The following NUP214 variants were observed in gnomAD, a reference collection of about 807,000 sequenced individuals.
The protein encoded by NUP214 is nucleoporin 214, also known as nuclear pore complex protein Nup214.
A neutral mutation model predicts 196.2 loss-of-function variants in NUP214; 79 were observed. The observed-to-expected ratio is 0.40, with a 90% CI of 0.34 to 0.49. The LOEUF is 0.49. Ranked by LOEUF, NUP214 falls within the 20% of genes least tolerant of loss-of-function variation. The probability of loss-of-function intolerance (pLI) is 0.58; values close to 1 mark genes in which losing one functional copy is unlikely to be tolerated. For missense variants in NUP214, 2,468 were observed against 2,539.0 expected, an observed-to-expected ratio of 0.97 and a Z score of 0.60; for synonymous variants, 1,020 against 990.5, an observed-to-expected ratio of 1.03 and a Z score of -0.56.
chr9:131,151,821 G>T lies in NUP214; in HGVS notation c.2363G>T (p.Arg788Ile), dbSNP rs1389703342. The change falls in exon 17 of 36, where the codon AGA (arginine) becomes ATA (isoleucine). Residue 788 changes from arginine (R) to isoleucine (I), a missense_variant. Around this residue, in one of 5 missense-constraint regions of NUP214, gnomAD observed 1,801 missense variants for 1,779.4 expected, o/e 1.01. Coordinates refer to ENST00000359428, the MANE Select transcript of NUP214 (RefSeq NM_005085.4). The part of the protein sequence containing the change: ...GVEEAREQNE[R>I]NRDSGYLHLL... The stretch of plus-strand genomic sequence containing the variant: ...GAGGAAGCCAGAGAACAAAATGAAA[G>T]AAATCGTGACTCTGGTTATCTGCAT... 1 of 1,613,528 alleles carries T rather than the reference G, an allele frequency of 6.2e-7. No homozygotes were observed. Among genetic ancestry groups the T allele is most frequent in the Non-Finnish European group, 8.5e-7 (1 of 1,179,906 alleles).
At position 131,144,371 on chromosome 9, in the gene NUP214, A is replaced by AC; in HGVS notation, c.1388dup (p.Ala464CysfsTer64). ...CCCCTGCCTCTCTGCCACCTTCATC[A>AC]CCTGCTGCTCCCATTGCCACTTTTT... On this transcript the variant is annotated frameshift_variant, in exon 12 of 36. Transcript: ENST00000359428. LOFTEE classifies it high-confidence loss of function. 6.2e-7 allele frequency: 1 copy of AC among 1,613,732 alleles called. No individual in the cohort carries two copies. The highest frequency in any genetic ancestry group is 8.5e-7 in the Non-Finnish European group (1 of 1,179,940).
At position 131,129,295 on chromosome 9, in the gene NUP214, G is replaced by T. The variant is rs1303418297; in HGVS notation, c.410G>T (p.Arg137Leu). 1.9e-6 allele frequency: 3 copies of T among 1,613,872 alleles called. No homozygotes were observed. Among genetic ancestry groups the T allele is most frequent in the African/African-American group, 2.7e-5 (2 of 74,892 alleles). The change falls in exon 4 of 36, where the codon CGC (arginine) becomes CTC (leucine). Residue 137 changes from arginine to leucine, a missense_variant. By Grantham distance (102) the Arg-to-Leu change is moderately radical. Transcript: ENST00000359428. ...TFSNEAKQQK[R>L]PFAYHKLLKD... ...TTTTAAAAGGCTAAACAGCAAAAAC[G>T]CCCATTTGCCTATCATAAGCTTTTG...
intron 17 of NUP214, among the ~76,000 whole-genome samples, chr9:131,153,732 C>T (rs1588135336): frequency 6.6e-6 from 1 of 152,194 alleles, no homozygotes; most frequent in African/African-American, 2.4e-5. Context: ...ACTGAAACTG[C>T]CCAGGTTTTA....
Position 131,197,228 on chromosome 9 carries a change from C to G in NUP214, c.3734C>G (p.Ser1245Cys), listed in dbSNP as rs752810100. The G allele has an allele frequency of 4.3e-6, 7 of 1,613,996 alleles. No individual in the cohort carries two copies. In the East Asian group the frequency reaches 6.7e-5, roughly 15 times the overall value. The change falls in exon 29 of 36, where the codon TCC becomes TGC. Residue 1245 changes from serine (S) to cysteine (C), a missense_variant. Transcript: ENST00000359428. ...TTTTTCTTGCTAGGGGCAACACCCTCCACTAAAGAGTCAAGCCAGCCGGAC... is the reference window on the plus strand; with the variant it reads ...TTTTTCTTGCTAGGGGCAACACCCTGCACTAAAGAGTCAAGCCAGCCGGAC... ...NFTAAQGATP[S>C]TKESSQPDAF... is the part of the protein sequence containing the mutation.
chr9:131,194,630 C>T (rs1002510917), intron 27 of NUP214, among the ~76,000 whole-genome samples: 10 of 152,114 alleles, frequency 6.6e-5, no homozygotes, highest in Non-Finnish European at 1.3e-4. Context: ...AGAAAACGTA[C>T]AAAAGGAGAG....
At chr9:131,208,420 G>A (rs944874136) in intron 30 of NUP214, among the ~76,000 whole-genome samples, 6 of 152,202 alleles carry the variant, frequency 3.9e-5, no homozygotes, top group African/African-American at 9.7e-5. Flanking sequence ...GTTCTTGGCC[G>A]GGTGCAGTGG....
intron 24 of NUP214, among the ~76,000 whole-genome samples, chr9:131,179,719 T>C (rs1055119466): frequency 6.6e-6 from 1 of 152,210 alleles, no homozygotes; most frequent in Admixed American, 6.5e-5. Context: ...GTTCTGTTTA[T>C]CAACACTGCT....
intron 26 of NUP214, chr9:131,190,472 A>T: frequency 2.9e-6 from 2 of 693,888 alleles, no homozygotes; most frequent in South Asian, 3.1e-5. Context: ...TTCTGTTTTC[A>T]CTTGCCAGGT....
At chr9:131,164,178 T>C in intron 21 of NUP214, 34 bp downstream of exon 21, 1 of 1,598,896 alleles carries the variant, frequency 6.3e-7, no homozygotes, top group Non-Finnish European at 8.6e-7. Context: ...CTGTACATAG[T>C]GATAGGGTGT....
chr9:131,212,730 A>G (rs1184476278), intron 30 of NUP214, among the ~76,000 whole-genome samples: 1 of 152,134 alleles, frequency 6.6e-6, no homozygotes, highest in African/African-American at 2.4e-5. Context: ...TCCTTACACT[A>G]TATTAAGGCA....
chr9:131,221,509 A>G lies in NUP214; in HGVS notation c.5750-1269A>G, dbSNP rs1834554660. 2.6e-5 allele frequency among the ~76,000 whole-genome samples: 4 copies of G among 152,176 alleles called. No individual in the cohort carries two copies. The South Asian group carries it at 8.3e-4, about 31-fold the overall frequency. On this transcript the variant is annotated intron_variant, in intron 31 of 35. Transcript: ENST00000359428. ...CCTATTAGAGTTGGTTGGTAGCAGC[A>G]TGAGTTGAGAGACCTGGGGAGGTGA...
At chr9:131,183,448 C>T (rs1442915019) in intron 24 of NUP214, among the ~76,000 whole-genome samples, 1 of 152,170 alleles carries the variant, frequency 6.6e-6, no homozygotes, top group Non-Finnish European at 1.5e-5. Context: ...ATATAGTTAC[C>T]ATTTCCAGGG....
chr9:131,183,734 C>T (rs1479780711), intron 24 of NUP214, among the ~76,000 whole-genome samples: 1 of 151,998 alleles, frequency 6.6e-6, no homozygotes, highest in African/African-American at 2.4e-5. Context: ...GAACTTTAAT[C>T]CTTTTGTTTT....
intron 30 of NUP214, among the ~76,000 whole-genome samples, chr9:131,206,148 C>CTT (rs71265048): frequency 6.5e-5 from 5 of 76,388 alleles, no homozygotes; most frequent in South Asian, 1.1e-3. Context: ...TTTCTTTTTT[C>CTT]TTTTTTTTTT....
At chr9:131,190,369 T>C (rs2131028942) in intron 26 of NUP214, 1 of 659,536 alleles carries the variant, frequency 1.5e-6, no homozygotes, top group South Asian at 1.7e-5. Context: ...GCTTTATGCA[T>C]GTCTGGGCAA....
Position 131,228,422 on chromosome 9 carries a change from A to G in NUP214, c.6074+91A>G, listed in dbSNP as rs552731735. The G allele has an allele frequency of 1.2e-4, 162 of 1,318,612 alleles. No individual in the cohort carries two copies. The African/African-American group carries it at 2.3e-3, about 19-fold the overall frequency. The allele number at this position is 1,318,612 out of a possible 1,614,324, so 81.7% of individuals were successfully genotyped here. A position where few individuals can be genotyped will look rare whatever the true frequency, so the allele number is the denominator to read the frequency against. On this transcript the variant is annotated intron_variant, in intron 33 of 35. Transcript: ENST00000359428. Reference sequence around the variant, plus strand: ...TCTTGCTCTGAAAAGAAATTTGACCATGAGGTGAAGGCCCCTCCCTTGAAA... The same window carrying G: ...TCTTGCTCTGAAAAGAAATTTGACCGTGAGGTGAAGGCCCCTCCCTTGAAA...
At chr9:131,151,558 TAA>T (rs1042752306) in intron 16 of NUP214, among the ~76,000 whole-genome samples, 176 bp from the exon 17 acceptor site, 6 of 152,176 alleles carry the variant, frequency 3.9e-5, no homozygotes, top group African/African-American at 1.4e-4. Context: ...AAAATAAATA[TAA>T]AAAAAGAACA....
rs1041546674 is a variant in NUP214, at chr9:131,175,329, C to G, written c.3158-131C>G. 8 of 1,044,678 alleles carry G rather than the reference C, an allele frequency of 7.7e-6. No individual in the cohort carries two copies. The African/African-American group carries it at 1.3e-4, about 17-fold the overall frequency. 64.7% of individuals were successfully genotyped at this position (1,044,678 alleles called of 1,614,324 possible). On this transcript the variant is annotated intron_variant, in intron 22 of 35. Transcript: ENST00000359428. The stretch of plus-strand genomic sequence containing the variant: ...ATATAGATGCCAGCCTGTTAGTTTA[C>G]TGGTACTTTTCTATGTTAACGCTAA...
intron 31 of NUP214, among the ~76,000 whole-genome samples, chr9:131,221,318 G>C (rs1332992022): frequency 6.6e-6 from 1 of 152,178 alleles, no homozygotes. Flanking sequence ...CTCTCAAATT[G>C]TCAGCAGTGG....
Sources: gnomAD v4.1 joint callset for allele counts (sites outside exome capture counted in the v4.1 genomes callset) on GRCh38, gnomAD v4.1.1 for gene constraint, gnomAD v4.1.1 regional missense constraint, MANE v1.5 for transcripts, NCBI Gene and HGNC (gene_info 2026-07-23, HGNC 2026-07-21) for gene names.